Variants in PCDH15 observed in about 807,000 individuals in gnomAD.
PCDH15 encodes protocadherin-15.
In PCDH15, 129 loss-of-function variants were observed where a neutral mutation model predicts 178.5. The ratio of observed to expected loss-of-function variants is 0.72; its 90% CI spans 0.63 to 0.84. The LOEUF (loss-of-function observed/expected upper bound fraction) is 0.84. Among genes scored for constraint, PCDH15 ranks in the 40% least tolerant of loss-of-function variants. The pLI is 0.00. For synonymous variants in PCDH15, 800 were observed against 732.0 expected, an observed-to-expected ratio of 1.09 and a Z score of -1.50; for missense variants, 2,230 against 2,099.9, an observed-to-expected ratio of 1.06 and a Z score of -1.21.
At chr10:55,161,525 G>A (rs2680314) in intron 2 of PCDH15, among the ~76,000 whole-genome samples, 151,374 of 152,166 alleles carry the variant, frequency 0.99, 75,301 homozygotes, top group East Asian at 1. Flanking sequence ...GTAGATGCCA[G>A]AGAGACCCAT....
intron 2 of PCDH15, among the ~76,000 whole-genome samples, chr10:55,473,334 A>AT (rs1491109380): frequency 2.2e-5 from 3 of 138,210 alleles, no homozygotes; most frequent in Admixed American, 7.1e-5. Flanking sequence ...TAGGGTATAT[A>AT]AAAAAAAAAA....
At chr10:54,513,987 T>A (rs1273137694) in intron 3 of PCDH15, among the ~76,000 whole-genome samples, 1 of 152,218 alleles carries the variant, frequency 6.6e-6, no homozygotes, top group East Asian at 1.9e-4. Context: ...CCATCTGTCT[T>A]CTCCCTAGAG....
chr10:54,156,192 A>C (rs1170168322), intron 13 of PCDH15, among the ~76,000 whole-genome samples: 1 of 152,194 alleles, frequency 6.6e-6, no homozygotes, highest in Non-Finnish European at 1.5e-5. Context: ...ATGATGTTTT[A>C]TAGTTCTATT....
At chr10:54,958,967 A>C (rs1187466287) in intron 2 of PCDH15, among the ~76,000 whole-genome samples, 2 of 151,948 alleles carry the variant, frequency 1.3e-5, no homozygotes, top group Non-Finnish European at 2.9e-5. Flanking sequence ...AACGTGAGGA[A>C]ATACTATACA....
At chr10:55,494,812 G>A (rs943408860) in intron 2 of PCDH15, among the ~76,000 whole-genome samples, 2 of 151,552 alleles carry the variant, frequency 1.3e-5, no homozygotes, top group Non-Finnish European at 3.0e-5. Flanking sequence ...AATCTTATGT[G>A]CATACATTTT....
intron 2 of PCDH15, among the ~76,000 whole-genome samples, chr10:54,940,657 C>T (rs1165033050): frequency 1.3e-5 from 2 of 151,880 alleles, no homozygotes; most frequent in Non-Finnish European, 2.9e-5. Context: ...TGGTTGCATT[C>T]TCTATCTCTT....
intron 1 of PCDH15, among the ~76,000 whole-genome samples, chr10:54,679,283 G>T (rs1446975316): frequency 6.6e-6 from 1 of 150,964 alleles, no homozygotes; most frequent in East Asian, 1.9e-4. Context: ...TACAAAATTT[G>T]CCCTGATGAT....
chr10:54,362,468 G>T (rs1481639463), intron 5 of PCDH15, among the ~76,000 whole-genome samples: 1 of 151,866 alleles, frequency 6.6e-6, no homozygotes, highest in Non-Finnish European at 1.5e-5. Flanking sequence ...GAAACTCAAG[G>T]TTATTTAAAC....
intron 2 of PCDH15, among the ~76,000 whole-genome samples, chr10:55,338,560 G>T (rs1844461848): frequency 6.6e-6 from 1 of 152,192 alleles, no homozygotes; most frequent in Non-Finnish European, 1.5e-5. Flanking sequence ...TTGAGGTCAG[G>T]AGTTCAAGAC....
chr10:53,823,422 G>A (rs368423674), intron 32 of PCDH15: 2 of 1,480,572 alleles, frequency 1.4e-6, no homozygotes, highest in Non-Finnish European at 1.9e-6. Context: ...TCATGAGAAA[G>A]ATGTTTTTAT....
At chr10:55,330,928 CT>C (rs1844183960) in intron 2 of PCDH15, among the ~76,000 whole-genome samples, 1 of 150,944 alleles carries the variant, frequency 6.6e-6, no homozygotes, top group Non-Finnish European at 1.5e-5. Context: ...TAATTTTGAG[CT>C]GTTGAAAATG....
At chr10:55,370,602 T>C (rs1845483529) in intron 2 of PCDH15, among the ~76,000 whole-genome samples, 1 of 152,110 alleles carries the variant, frequency 6.6e-6, no homozygotes, top group Non-Finnish European at 1.5e-5. Flanking sequence ...AAGTTCAGAG[T>C]CCTAATTAAT....
chr10:54,604,514 A>G (rs1397974195), intron 2 of PCDH15, among the ~76,000 whole-genome samples: 1 of 152,098 alleles, frequency 6.6e-6, no homozygotes, highest in African/African-American at 2.4e-5. Context: ...TTTTATCTTT[A>G]TGTAATGACC....
chr10:53,939,013 C>A lies in PCDH15; in HGVS notation c.3233-58G>T, dbSNP rs551063359. ...TCTTTACGCTATAAGGAAAGAAATT[C>A]TCTTTAAAAGGCACTGTGATTTCAA... On this transcript the variant is annotated intron_variant, in intron 24 of 37. Transcript: ENST00000644397. 6 of 1,560,460 alleles carry A rather than the reference C, an allele frequency of 3.8e-6. No individual in the cohort carries two copies. The South Asian group carries it at 5.6e-5, about 14-fold the overall frequency.
chr10:55,590,102 G>A (rs1842811105), intron 2 of PCDH15, among the ~76,000 whole-genome samples: 1 of 150,974 alleles, frequency 6.6e-6, no homozygotes, highest in Non-Finnish European at 1.5e-5. Flanking sequence ...AGAAAATGTG[G>A]CACATATACA....
intron 1 of PCDH15, among the ~76,000 whole-genome samples, chr10:55,289,809 T>G (rs1311263657): frequency 6.6e-6 from 1 of 152,060 alleles, no homozygotes; most frequent in Non-Finnish European, 1.5e-5. Context: ...GTCACCAGGG[T>G]GGAGCTCTTG....
intron 2 of PCDH15, among the ~76,000 whole-genome samples, chr10:55,095,635 AATT>A (rs1842432496): frequency 6.6e-6 from 1 of 152,074 alleles, no homozygotes; most frequent in African/African-American, 2.4e-5. Flanking sequence ...AAGATTATTT[AATT>A]ATTATGAATT....
At chr10:55,066,704 G>T (rs1841573230) in intron 2 of PCDH15, among the ~76,000 whole-genome samples, 1 of 150,102 alleles carries the variant, frequency 6.7e-6, no homozygotes, top group South Asian at 2.1e-4. Flanking sequence ...AGTGTTCTCT[G>T]TATCACATTT....
At position 55,616,519 on chromosome 10, in the gene PCDH15, C is replaced by CAAAA. The variant is rs34005780; in HGVS notation, c.-156+11102_-156+11105dup. Among the ~76,000 whole-genome samples the CAAAA allele has an allele frequency of 8.6e-4, 110 of 127,504 alleles. 1 individual carries two copies. The highest frequency in any genetic ancestry group is 2.7e-3 in the African/African-American group (102 of 37,564). 83.6% of individuals were successfully genotyped at this position (127,504 alleles called of 152,430 possible). ...TTGTGATGTATTATGCTGAAATTAG[C>CAAAA]AAAAAAAAAAAAAAGAGTAACTCTC... is the stretch of plus-strand genomic sequence containing the variant. On this transcript the variant is annotated intron_variant, in intron 2 of 5. Transcript: ENST00000613346.
Sources: allele counts gnomAD v4.1 joint callset (sites outside exome capture counted in the v4.1 genomes callset), GRCh38; gene constraint gnomAD v4.1.1; transcripts MANE v1.5; gene names NCBI Gene and HGNC (gene_info 2026-07-23, HGNC 2026-07-21).